The following CAPN11 variants were observed in gnomAD, a reference collection of about 807,000 sequenced individuals.
The protein encoded by CAPN11 is calpain 11.
CAPN11 carries 108 observed loss-of-function variants against 105.3 expected under a neutral mutation model. The ratio of observed to expected loss-of-function variants is 1.03; its 90% CI spans 0.88 to 1.20. CAPN11 has a LOEUF of 1.20. Among genes scored for constraint, CAPN11 ranks in the 50% most tolerant of loss-of-function variants. The probability of loss-of-function intolerance (pLI) is 0.00; values close to 1 mark genes in which losing one functional copy is unlikely to be tolerated. For synonymous variants in CAPN11, 329 were observed against 344.5 expected (o/e 0.96, Z 0.50); for missense variants, 883 against 924.8 (o/e 0.95, Z 0.59).
intron 3 of CAPN11, 54 bp downstream of exon 3, chr6:44,169,585 TC>T: frequency 1.4e-6 from 2 of 1,470,092 alleles, no homozygotes; most frequent in Non-Finnish European, 1.8e-6. Context: ...CTTGTAGTGA[TC>T]CCTCTATCAC....
Position 44,176,083 on chromosome 6 carries a change from G to A in CAPN11, c.847G>A (p.Glu283Lys). The stretch of plus-strand genomic sequence containing the variant: ...TGTTCTGTAGGTCACCAGTGATAGT[G>A]AACTGGAATCCATGACTGACAAGAT... ...GCSIEVTSDSELESMTDKMLV... is the reference protein window; with the variant it reads ...GCSIEVTSDSKLESMTDKMLV... Residue 283 changes from glutamate (E) to lysine (K), a missense_variant, in exon 8 of 23, where the codon GAA becomes AAA. By Grantham distance (56) the Glu-to-Lys change is moderately conservative. Transcript: ENST00000398776. The A allele has an allele frequency of 6.2e-7, 1 of 1,611,352 alleles. No homozygotes were observed. The highest frequency in any genetic ancestry group is 8.5e-7 in the Non-Finnish European group (1 of 1,178,358).
At chr6:44,170,709 G>A (rs1341812356) in intron 4 of CAPN11, among the ~76,000 whole-genome samples, 1 of 152,124 alleles carries the variant, frequency 6.6e-6, no homozygotes. Context: ...CTCTACCTTT[G>A]GAAGGGAGGA....
Position 44,173,142 on chromosome 6 carries a change from G to A in CAPN11, c.662+69G>A, listed in dbSNP as rs938136070. 1.6e-5 allele frequency: 26 copies of A among 1,603,334 alleles called. No homozygotes were observed. In the East Asian group the frequency reaches 2.2e-4, roughly 14 times the overall value. On this transcript the variant is annotated intron_variant, in intron 6 of 22. Coordinates refer to ENST00000398776, the MANE Select transcript of CAPN11 (RefSeq NM_007058.4). ...CTGGACAGCTGGAATCAGGGGGAGG[G>A]GAGGGGGTAGCAGGACATCCCTCCC...
intron 9 of CAPN11, 86 bp from the exon 10 acceptor site, chr6:44,176,495 A>G (rs1322177099): frequency 7.3e-7 from 1 of 1,375,528 alleles, no homozygotes; most frequent in Non-Finnish European, 1.0e-6. Context: ...GCAGGCAGAC[A>G]TTCAGGGAAG....
rs115271393 is a variant in CAPN11 at position 44,167,014 on chromosome 6, G to C, written c.88+185G>C. ...AGTTTGCAGTCCCCCTGGGGGCGGA[G>C]GTGTGGGCAGGATGTCCAGAGTCCC... On this transcript the variant is annotated intron_variant, in intron 2 of 22. Coordinates refer to ENST00000398776, the MANE Select transcript of CAPN11 (RefSeq NM_007058.4). Among the ~76,000 whole-genome samples the C allele has an allele frequency of 8.5e-3, 1,288 of 152,166 alleles. 21 individuals carry two copies. The highest frequency in any genetic ancestry group is 0.029 in the African/African-American group (1,213 of 41,484).
rs1395634947 is a variant in CAPN11 at position 44,180,662 on chromosome 6, G to A, written c.1746G>A (p.Glu582=). The part of the protein sequence containing the change: ...FLHLFKIVAG[E]GKEIGVYELQ... ...ATTTGTTTAAGATAGTGGCAGGAGA[G>A]GTGAGCAGGCCACGAGCGGAGGGCT... The change falls in exon 16 of 23, where the codon GAG becomes GAA. Residue 582 remains glutamate, a splice_region_variant and synonymous_variant. Coordinates refer to ENST00000398776, the MANE Select transcript of CAPN11 (RefSeq NM_007058.4). 1 of 1,613,692 alleles carries A rather than the reference G, an allele frequency of 6.2e-7. No homozygotes were observed. The highest frequency in any genetic ancestry group is 1.1e-5 in the South Asian group (1 of 91,070).
chr6:44,181,141 T>C (rs1773066879), intron 18 of CAPN11, 111 bp from the exon 19 acceptor site: 1 of 1,207,422 alleles, frequency 8.3e-7, no homozygotes, highest in Admixed American at 1.7e-5. Context: ...TTCTGGCTGC[T>C]ACAGTACCGG....
chr6:44,164,307 A>G (rs553533327), intron 1 of CAPN11, among the ~76,000 whole-genome samples: 2 of 152,318 alleles, frequency 1.3e-5, no homozygotes, highest in South Asian at 4.1e-4. Context: ...AACAAAATAT[A>G]TAGTATATTG....
At chr6:44,162,377 A>AC (rs1769025255) in intron 1 of CAPN11, among the ~76,000 whole-genome samples, 1 of 135,670 alleles carries the variant, frequency 7.4e-6, no homozygotes, top group Non-Finnish European at 1.5e-5. Context: ...AGACACACAC[A>AC]CACACACACA....
In CAPN11 at chr6:44,180,102, G is replaced by A; in HGVS notation, c.1579G>A (p.Glu527Lys). Residue 527 changes from glutamate to lysine, a missense_variant, in exon 14 of 23, where the codon GAG becomes AAG. Transcript: ENST00000398776. ...GEYIIIPSTF[E>K]PHRDADFLLR... is the part of the protein sequence containing the mutation. ...ATATATCATTATTCCCTCCACCTTT[G>A]AGCCACACAGAGATGCTGACTTCCT... is the stretch of plus-strand genomic sequence containing the variant. 4 of 1,613,576 alleles carry A rather than the reference G, an allele frequency of 2.5e-6. No individual in the cohort carries two copies. Among genetic ancestry groups the A allele is most frequent in the Non-Finnish European group, 3.4e-6 (4 of 1,179,774 alleles).
At position 44,177,404 on chromosome 6, in the gene CAPN11, G is replaced by A; in HGVS notation, c.1400G>A (p.Gly467Asp). The A allele has an allele frequency of 1.2e-6, 2 of 1,613,000 alleles. No individual in the cohort carries two copies. The highest frequency in any genetic ancestry group is 1.7e-6 in the Non-Finnish European group (2 of 1,179,492). The change falls in exon 12 of 23, where the codon GGC (glycine) becomes GAC (aspartate). Residue 467 changes from glycine (G) to aspartate (D), a missense_variant. Transcript: ENST00000398776. ...RQQGAQLQTI[G>D]FVLYAVPKEF... ...CAGGGAGCCCAGCTGCAGACCATTG[G>A]CTTTGTCCTCTACGCGGTGGGTGCC... is the stretch of plus-strand genomic sequence containing the variant.
rs1360158686 is a variant in CAPN11, at chr6:44,184,304, C to A, written c.*372C>A. On this transcript the variant is annotated 3_prime_UTR_variant, in exon 23 of 23. Coordinates refer to ENST00000398776, the MANE Select transcript of CAPN11 (RefSeq NM_007058.4). ...GTTTCTTACCCTCCATGCTTGCTGT[C>A]CTGCTCACACCTACCTGCTGACCAC... is the stretch of plus-strand genomic sequence containing the variant. 1.0e-5 allele frequency: 3 copies of A among 295,572 alleles called. No individual in the cohort carries two copies. The highest frequency in any genetic ancestry group is 1.9e-5 in the Non-Finnish European group (3 of 155,494). The allele number at this position is 295,572 out of a possible 1,614,324, so 18.3% of individuals were successfully genotyped here.
At chr6:44,183,678 C>A in intron 21 of CAPN11, 27 bp from the exon 22 acceptor site, 1 of 1,611,496 alleles carries the variant, frequency 6.2e-7, no homozygotes, top group Non-Finnish European at 8.5e-7. Flanking sequence ...CATTCAGCCC[C>A]TCTCCCCCGC....
At position 44,177,191 on chromosome 6, in the gene CAPN11, C is replaced by T. The variant is rs934486640; in HGVS notation, c.1238-51C>T. ...GAAGCTCGGTCCACCCTGGGAAGGG[C>T]GTGGCCAAGGGAAGCCCCCGTATAA... On this transcript the variant is annotated intron_variant, in intron 11 of 22. Transcript: ENST00000398776. 1.9e-5 allele frequency: 29 copies of T among 1,531,290 alleles called. No homozygotes were observed. In the East Asian group the frequency reaches 4.9e-4, roughly 26 times the overall value. 94.9% of individuals were successfully genotyped at this position (1,531,290 alleles called of 1,614,324 possible).
intron 19 of CAPN11, among the ~76,000 whole-genome samples, chr6:44,181,521 C>T (rs1773314905): frequency 7.5e-6 from 1 of 132,992 alleles, no homozygotes; most frequent in African/African-American, 2.7e-5. Flanking sequence ...CACATACAGA[C>T]ACAACCACAC....
In CAPN11 at chr6:44,177,506, G is replaced by A. The variant is rs188063191; in HGVS notation, c.1416+86G>A. 4,584 of 1,239,774 alleles carry A rather than the reference G, an allele frequency of 3.7e-3. 10 individuals carry two copies. Among genetic ancestry groups the A allele is most frequent in the Non-Finnish European group, 4.4e-3 (4,035 of 907,492 alleles). 76.8% of individuals were successfully genotyped at this position (1,239,774 alleles called of 1,614,324 possible). On this transcript the variant is annotated intron_variant, in intron 12 of 22. Coordinates refer to ENST00000398776, the MANE Select transcript of CAPN11 (RefSeq NM_007058.4). ...TTTCTTTCTTTCTTTTTTTTTTTTC[G>A]AGACAGAGTCTCACTCTGTTGCCCA...
chr6:44,181,319 T>C lies in CAPN11; in HGVS notation c.1937T>C (p.Met646Thr), dbSNP rs1773095877. ...KILWKKLKKW[M>T]DIFRECDQDH... ...CTGTGGAAAAAACTCAAGAAATGGA[T>C]GGTAAAGGGCACTAAAGGGGCAGCC... is the stretch of plus-strand genomic sequence containing the variant. The change falls in exon 19 of 23, where the codon ATG becomes ACG. Residue 646 changes from methionine to threonine, a missense_variant and splice_region_variant. By Grantham distance (81) the Met-to-Thr change is moderately conservative. Transcript: ENST00000398776. 2 of 1,609,260 alleles carry C rather than the reference T, an allele frequency of 1.2e-6. No homozygotes were observed. The highest frequency in any genetic ancestry group is 2.2e-5 in the East Asian group (1 of 44,866).
At position 44,172,515 on chromosome 6, in the gene CAPN11, G is replaced by A. The variant is rs147029811; in HGVS notation, c.528+95G>A. ...TTACCTTCTTTCCTTTTGAAAAATA[G>A]CATTTATTAGGGTGGGTTTTGGACT... is the stretch of plus-strand genomic sequence containing the variant. On this transcript the variant is annotated intron_variant, in intron 5 of 22. Coordinates refer to ENST00000398776, the MANE Select transcript of CAPN11 (RefSeq NM_007058.4). The A allele has an allele frequency of 4.2e-4, 300 of 713,270 alleles. 2 individuals carry two copies. In the African/African-American group the frequency reaches 5.2e-3, roughly 12 times the overall value. The allele number at this position is 713,270 out of a possible 1,614,324, so 44.2% of individuals were successfully genotyped here.
intron 3 of CAPN11, 59 bp from the exon 4 acceptor site, chr6:44,169,847 G>A: frequency 1.5e-6 from 2 of 1,318,740 alleles, no homozygotes; most frequent in Non-Finnish European, 2.2e-6. Flanking sequence ...AGCAAAAGTG[G>A]GAGAAAGGTG....
Sources: gnomAD v4.1 joint callset for allele counts (sites outside exome capture counted in the v4.1 genomes callset) on GRCh38, gnomAD v4.1.1 for gene constraint, MANE v1.5 for transcripts, NCBI Gene and HGNC (gene_info 2026-07-23, HGNC 2026-07-21) for gene names.